Variants in BCAS3 observed in about 807,000 individuals in gnomAD.
BCAS3 encodes the protein BCAS3 microtubule associated cell migration factor.
BCAS3 carries 53 observed loss-of-function variants against 116.1 expected under a neutral mutation model. The observed-to-expected ratio is 0.46, with a 90% CI of 0.37 to 0.57. BCAS3 has a LOEUF of 0.57. Among genes scored for constraint, BCAS3 ranks in the 20% least tolerant of loss-of-function variants. The pLI, the probability that BCAS3 is intolerant of heterozygous loss-of-function variation, is 0.00. For missense variants in BCAS3, 917 were observed against 1,165.4 expected, an observed-to-expected ratio of 0.79 and a Z score of 3.10; for synonymous variants, 391 against 408.2, an observed-to-expected ratio of 0.96 and a Z score of 0.51.
chr17:60,896,572 CTTCT>C (rs1443305790), intron 10 of BCAS3, among the ~76,000 whole-genome samples: 1 of 147,702 alleles, frequency 6.8e-6, no homozygotes, highest in African/African-American at 2.6e-5. Context: ...ATATAATGAC[CTTCT>C]TTGTCTTTTT....
rs1415696226 is a variant in BCAS3, at chr17:61,348,303, A to G, written c.2426-20024A>G. On this transcript the variant is annotated intron_variant, in intron 22 of 23. Transcript: ENST00000407086. The surrounding 1 kb of genome is among the most constrained non-coding windows in gnomAD (Gnocchi z 4.5). ...AAGGGCTGGAGAAGTTAGGTCATGA[A>G]TTTGTTTGGGAGATGTTGAGTTGGA... Among the ~76,000 whole-genome samples, 2 of 152,152 alleles carry G rather than the reference A, an allele frequency of 1.3e-5. No homozygotes were observed. The highest frequency in any genetic ancestry group is 2.9e-5 in the Non-Finnish European group (2 of 68,022).
Position 61,226,304 on chromosome 17 carries a change from C to T in BCAS3, c.2425+141740C>T, listed in dbSNP as rs1241065952. Among the ~76,000 whole-genome samples the T allele has an allele frequency of 1.3e-5, 2 of 152,066 alleles. No homozygotes were observed. Among genetic ancestry groups the T allele is most frequent in the African/African-American group, 4.8e-5 (2 of 41,380 alleles). The stretch of plus-strand genomic sequence containing the variant: ...TCAGGAAATAATTGTTTTGTGATAC[C>T]TAATTTTCAGGTAAGCCCAGCTGGT... On this transcript the variant is annotated intron_variant, in intron 22 of 23. Coordinates refer to ENST00000407086, the MANE Select transcript of BCAS3 (RefSeq NM_017679.5). The surrounding 1 kb of genome is among the most constrained non-coding windows in gnomAD (Gnocchi z 6.0).
chr17:61,026,799 T>G lies in BCAS3; in HGVS notation c.1638-7867T>G. ...ATACTCTATAACAGTATGATATACT[T>G]GTATTTGCTAATGTTAAATGAGTTT... On this transcript the variant is annotated intron_variant, in intron 16 of 23. Coordinates refer to ENST00000407086, the MANE Select transcript of BCAS3 (RefSeq NM_017679.5). The surrounding 1 kb of genome is among the most constrained non-coding windows in gnomAD (Gnocchi z 5.0). 2 of 1,402,014 alleles carry G rather than the reference T, an allele frequency of 1.4e-6. 1 individual carries two copies. The highest frequency in any genetic ancestry group is 2.5e-5 in the South Asian group (2 of 81,042). The allele number at this position is 1,402,014 out of a possible 1,614,324, so 86.8% of individuals were successfully genotyped here. A position where few individuals can be genotyped will look rare whatever the true frequency, so the allele number is the denominator to read the frequency against.
At chr17:60,970,967 A>G (rs1362482272) in intron 14 of BCAS3, among the ~76,000 whole-genome samples, 1 of 152,222 alleles carries the variant, frequency 6.6e-6, no homozygotes, top group African/African-American at 2.4e-5. Flanking sequence ...ATGGATATGA[A>G]ACAGTGGATA....
At chr17:61,067,030 G>A (rs938013165) in intron 19 of BCAS3, among the ~76,000 whole-genome samples, 7 of 151,280 alleles carry the variant, frequency 4.6e-5, no homozygotes, top group African/African-American at 9.7e-5. Flanking sequence ...TTCTCTAACC[G>A]ATAAATACCA....
chr17:61,293,830 A>G (rs1478214736), intron 22 of BCAS3, among the ~76,000 whole-genome samples: 1 of 152,190 alleles, frequency 6.6e-6, no homozygotes, highest in Non-Finnish European at 1.5e-5. Context: ...GCACGATCTC[A>G]GCTCACGGCA....
At chr17:60,678,213 C>G (rs1179188283) in intron 1 of BCAS3, among the ~76,000 whole-genome samples, 1 of 151,956 alleles carries the variant, frequency 6.6e-6, no homozygotes, top group African/African-American at 2.4e-5. Context: ...GACTGTGGTT[C>G]GAGAAAGCAA....
At chr17:60,970,580 C>T (rs2061904016) in intron 14 of BCAS3, among the ~76,000 whole-genome samples, 1 of 152,032 alleles carries the variant, frequency 6.6e-6, no homozygotes, top group African/African-American at 2.4e-5. Context: ...AAGACAAAGC[C>T]TATTACCAGA....
At chr17:60,700,018 TA>T (rs1171893119) in intron 4 of BCAS3, among the ~76,000 whole-genome samples, 11 of 151,550 alleles carry the variant, frequency 7.3e-5, no homozygotes, top group Admixed American at 4.6e-4. Context: ...ACAAAAAAAT[TA>T]AAAAAGTAGC....
intron 22 of BCAS3, among the ~76,000 whole-genome samples, chr17:61,272,376 T>TA (rs1840279576): frequency 6.6e-6 from 1 of 152,090 alleles, no homozygotes; most frequent in South Asian, 2.1e-4. Context: ...CTCATGCCTG[T>TA]AATCCCAGCA....
At chr17:61,299,827 C>T (rs574997486) in intron 22 of BCAS3, among the ~76,000 whole-genome samples, 1 of 152,248 alleles carries the variant, frequency 6.6e-6, no homozygotes, top group African/African-American at 2.4e-5. Context: ...CCTTTGAGTC[C>T]CATTGTTATC....
chr17:60,701,529 G>A (rs772712227), intron 4 of BCAS3, among the ~76,000 whole-genome samples: 1 of 152,054 alleles, frequency 6.6e-6, no homozygotes, highest in Non-Finnish European at 1.5e-5. Context: ...AAATTTTTTG[G>A]AGATTTGTGT....
chr17:61,266,088 G>A (rs886656628), intron 22 of BCAS3, among the ~76,000 whole-genome samples: 3 of 152,230 alleles, frequency 2.0e-5, no homozygotes, highest in Non-Finnish European at 2.9e-5. Context: ...CTGTCCTCAC[G>A]TTCATTAAAA....
At chr17:61,147,532 T>C (rs1439992198) in intron 22 of BCAS3, among the ~76,000 whole-genome samples, 1 of 152,166 alleles carries the variant, frequency 6.6e-6, no homozygotes, top group Admixed American at 6.5e-5. Flanking sequence ...CCAACAGGTG[T>C]TTCTTGTATC....
chr17:60,711,465 A>G (rs2037920577), intron 5 of BCAS3, among the ~76,000 whole-genome samples: 1 of 145,356 alleles, frequency 6.9e-6, no homozygotes, highest in African/African-American at 2.9e-5. Flanking sequence ...TGTTGACAGT[A>G]CTGAAGACAG....
At chr17:60,831,648 C>A (rs558069928) in intron 7 of BCAS3, among the ~76,000 whole-genome samples, 2 of 152,086 alleles carry the variant, frequency 1.3e-5, no homozygotes, top group South Asian at 2.1e-4. Flanking sequence ...TAATTAGAGC[C>A]TCCCTACGTG....
rs1352576468 is a variant in BCAS3, at chr17:61,367,349, A to G, written c.2426-978A>G. Among the ~76,000 whole-genome samples, 1 of 152,242 alleles carries G rather than the reference A, an allele frequency of 6.6e-6. No homozygotes were observed. The highest frequency in any genetic ancestry group is 1.9e-4 in the East Asian group (1 of 5,208). On this transcript the variant is annotated intron_variant, in intron 22 of 23. Coordinates refer to ENST00000407086, the MANE Select transcript of BCAS3 (RefSeq NM_017679.5). The surrounding 1 kb of genome is among the most constrained non-coding windows in gnomAD (Gnocchi z 6.2). ...CTCCTTCCGAGAGAGAGTGGATGAA[A>G]TAAGCTTTCACAGAAGACTTGCTGT... is the stretch of plus-strand genomic sequence containing the variant.
Position 61,084,438 on chromosome 17 carries a change from T to C in BCAS3, c.2328-29T>C. 1 of 1,564,716 alleles carries C rather than the reference T, an allele frequency of 6.4e-7. No individual in the cohort carries two copies. Among genetic ancestry groups the C allele is most frequent in the Non-Finnish European group, 8.7e-7 (1 of 1,145,876 alleles). ...AGTGACAGTTTTGATGCCAGTAACA[T>C]ATGTGAATTAAATTAAATTGCATTG... On this transcript the variant is annotated intron_variant, in intron 21 of 23. Transcript: ENST00000407086. The surrounding 1 kb of genome is among the most constrained non-coding windows in gnomAD (Gnocchi z 5.5).
chr17:61,076,221 GA>G (rs2071973363), intron 20 of BCAS3, among the ~76,000 whole-genome samples: 2 of 152,190 alleles, frequency 1.3e-5, no homozygotes, highest in Admixed American at 1.3e-4. Flanking sequence ...ATCATTTTAT[GA>G]AGCTAATGAC....
Sources: allele counts gnomAD v4.1 joint callset (sites outside exome capture counted in the v4.1 genomes callset), GRCh38; gene constraint gnomAD v4.1.1; non-coding constraint Gnocchi (gnomAD v3.1); transcripts MANE v1.5; gene names NCBI Gene and HGNC (gene_info 2026-07-23, HGNC 2026-07-21).